The following GREB1 variants were observed in gnomAD, a reference collection of about 807,000 sequenced individuals.
The protein encoded by GREB1 is growth regulating estrogen receptor binding 1, also known as protein GREB1.
Under a neutral mutation model 200.7 loss-of-function variants are expected in GREB1, and 106 were observed. The observed-to-expected ratio is 0.53, with a 90% CI of 0.45 to 0.62. The LOEUF (loss-of-function observed/expected upper bound fraction) is 0.62, where lower values mean the gene tolerates loss of function less well. Ranked by LOEUF, GREB1 falls within the 20% of genes least tolerant of loss-of-function variation. The pLI, the probability that GREB1 is intolerant of heterozygous loss-of-function variation, is 0.00. For synonymous variants in GREB1, 1,132 were observed against 1,092.4 expected (o/e 1.04, Z -0.72); for missense variants, 2,243 against 2,556.8 (o/e 0.88, Z 2.65).
At chr2:11,637,944 TC>T in intron 31 of GREB1, 28 bp downstream of exon 31, 1 of 1,572,842 alleles carries the variant, frequency 6.4e-7, no homozygotes. Flanking sequence ...TGCTGTCGAA[TC>T]CCTAATTCAG....
intron 21 of GREB1, among the ~76,000 whole-genome samples, chr2:11,617,784 G>A (rs1683555345): frequency 6.6e-6 from 1 of 152,182 alleles, no homozygotes; most frequent in Non-Finnish European, 1.5e-5. Context: ...CTGCTGTTTG[G>A]TCTGGGACGG....
intron 26 of GREB1, 82 bp downstream of exon 26, chr2:11,630,191 G>A (rs1684774498): frequency 3.6e-6 from 5 of 1,376,392 alleles, no homozygotes; most frequent in Non-Finnish European, 5.1e-6. Flanking sequence ...AGAGCTTCCT[G>A]TGAGGGAGTG....
At chr2:11,634,065 T>G in intron 28 of GREB1, 66 bp from the exon 29 acceptor site, 5 of 1,455,666 alleles carry the variant, frequency 3.4e-6, no homozygotes, top group Non-Finnish European at 4.8e-6. Flanking sequence ...CCACACTGCC[T>G]GGTCCCAAGG....
At chr2:11,599,308 G>C (rs897715320) in intron 15 of GREB1, among the ~76,000 whole-genome samples, 35 of 150,932 alleles carry the variant, frequency 2.3e-4, no homozygotes, top group Non-Finnish European at 3.2e-4. Context: ...CTGGTACCGT[G>C]GGTCACCACT....
At chr2:11,606,147 T>C (rs950809729) in intron 17 of GREB1, among the ~76,000 whole-genome samples, 2 of 152,210 alleles carry the variant, frequency 1.3e-5, no homozygotes, top group Admixed American at 1.3e-4. Flanking sequence ...GGAACCCACA[T>C]GTAAGCAAAA....
intron 1 of GREB1, among the ~76,000 whole-genome samples, chr2:11,494,124 G>A (rs1193564486): frequency 1.3e-5 from 2 of 152,216 alleles, no homozygotes; most frequent in Admixed American, 6.5e-5. Flanking sequence ...AGGGTTGCGC[G>A]GCCAGCAGAT....
chr2:11,606,026 A>G (rs1488264406), intron 17 of GREB1, among the ~76,000 whole-genome samples: 1 of 152,198 alleles, frequency 6.6e-6, no homozygotes, highest in African/African-American at 2.4e-5. Context: ...ACAAGCTGCC[A>G]AATTGTTTTC....
At chr2:11,583,578 G>A (rs1679740495) in intron 7 of GREB1, among the ~76,000 whole-genome samples, 1 of 152,156 alleles carries the variant, frequency 6.6e-6, no homozygotes, top group African/African-American at 2.4e-5. Flanking sequence ...TTACCAGGCT[G>A]GTCGGGTGCA....
chr2:11,616,881 A>C (rs1683451812), intron 21 of GREB1, among the ~76,000 whole-genome samples, 161 bp downstream of exon 21: 1 of 152,250 alleles, frequency 6.6e-6, no homozygotes, highest in African/African-American at 2.4e-5. Context: ...TAGAGAGTAA[A>C]TATTGTGGTC....
rs1486413914 is a variant in GREB1 at position 11,592,810 on chromosome 2, G to A, written c.1380G>A (p.Glu460=). 1 of 1,570,004 alleles carries A rather than the reference G, an allele frequency of 6.4e-7. No individual in the cohort carries two copies. Among genetic ancestry groups the A allele is most frequent in the East Asian group, 2.3e-5 (1 of 43,086 alleles). ...AGGTGCCCTTGATGGAGGACCTGGA[G>A]CAGATCTTCCTGCGCTCTTGGCGCG... The part of the protein sequence containing the change: ...ADQVPLMEDL[E]QIFLRSWRES... Residue 460 remains glutamate (E), a synonymous_variant, in exon 11 of 33, where the codon GAG becomes GAA. Transcript: ENST00000381486.
At chr2:11,539,476 C>A (rs968888893) in intron 1 of GREB1, among the ~76,000 whole-genome samples, 8 of 152,198 alleles carry the variant, frequency 5.3e-5, no homozygotes, top group African/African-American at 1.7e-4. Flanking sequence ...TGGCTTAGGT[C>A]CACGCTACCT....
chr2:11,632,787 C>A, intron 27 of GREB1, 102 bp from the exon 28 acceptor site: 1 of 928,594 alleles, frequency 1.1e-6, no homozygotes, highest in Non-Finnish European at 1.7e-6. Flanking sequence ...AAGGTCGGGG[C>A]TGGCTTGTCT....
intron 1 of GREB1, among the ~76,000 whole-genome samples, chr2:11,555,881 CAATT>C (rs1026307389): frequency 2.0e-5 from 3 of 152,042 alleles, no homozygotes; most frequent in Non-Finnish European, 4.4e-5. Context: ...AATTATATCT[CAATT>C]AAGTTGCTAC....
chr2:11,607,625 T>TATATACAC (rs1682516644), intron 17 of GREB1, among the ~76,000 whole-genome samples: 2 of 137,966 alleles, frequency 1.4e-5, no homozygotes, highest in Non-Finnish European at 3.0e-5. Context: ...TATATGCATA[T>TATATACAC]ATATACATAT....
chr2:11,489,612 A>G (rs1249139107), intron 1 of GREB1, among the ~76,000 whole-genome samples: 1 of 152,272 alleles, frequency 6.6e-6, no homozygotes, highest in African/African-American at 2.4e-5. Flanking sequence ...ACTCCGGCAG[A>G]GAACTATGGA....
At chr2:11,537,699 C>A (rs1038528236) in intron 1 of GREB1, among the ~76,000 whole-genome samples, 9 of 144,458 alleles carry the variant, frequency 6.2e-5, no homozygotes, top group African/African-American at 2.0e-4. Context: ...ACATAAATAT[C>A]ATATATTAGA....
chr2:11,558,547 G>A (rs1391833340), intron 2 of GREB1, among the ~76,000 whole-genome samples: 1 of 152,160 alleles, frequency 6.6e-6, no homozygotes, highest in Non-Finnish European at 1.5e-5. Context: ...CCATTTGTCC[G>A]ACAAACAGAA....
At chr2:11,600,740 A>T in intron 15 of GREB1, 60 bp from the exon 16 acceptor site, 1 of 1,391,390 alleles carries the variant, frequency 7.2e-7, no homozygotes, top group East Asian at 2.3e-5. Flanking sequence ...CAACTGCTTC[A>T]CCTTGCAAAA....
intron 1 of GREB1, among the ~76,000 whole-genome samples, chr2:11,552,746 T>G (rs554670732): frequency 9.9e-5 from 15 of 152,196 alleles, no homozygotes; most frequent in African/African-American, 2.9e-4. Context: ...GCGCGGTGGC[T>G]CACGCCTGTA....
Sources: gnomAD v4.1 joint callset for allele counts (sites outside exome capture counted in the v4.1 genomes callset) on GRCh38, gnomAD v4.1.1 for gene constraint, MANE v1.5 for transcripts, NCBI Gene and HGNC (gene_info 2026-07-23, HGNC 2026-07-21) for gene names.